LRRC7: variants seen among roughly 807,000 people sequenced by gnomAD.
LRRC7 encodes the protein leucine-rich repeat-containing protein 7.
Under a neutral mutation model 175.7 loss-of-function variants are expected in LRRC7, and 23 were observed. That is an observed-to-expected ratio of 0.13 (90% CI 0.09 to 0.19). The LOEUF (loss-of-function observed/expected upper bound fraction) is 0.19. Ranked by LOEUF, LRRC7 falls within the 10% of genes least tolerant of loss-of-function variation. The pLI, the probability that LRRC7 is intolerant of heterozygous loss-of-function variation, is 1.00. For synonymous variants in LRRC7, 685 were observed against 680.9 expected (o/e 1.01, Z -0.09); for missense variants, 1,354 against 1,904.7 (o/e 0.71, Z 5.38).
At chr1:69,580,616 A>T (rs1646158071) in intron 1 of LRRC7, among the ~76,000 whole-genome samples, 1 of 152,186 alleles carries the variant, frequency 6.6e-6, no homozygotes, top group Admixed American at 6.5e-5. Context: ...ATAAAAATCT[A>T]CCATATCTAC....
intron 4 of LRRC7, among the ~76,000 whole-genome samples, chr1:69,802,938 C>T (rs755389717): frequency 6.6e-6 from 1 of 151,206 alleles, no homozygotes; most frequent in African/African-American, 2.4e-5. Flanking sequence ...ATATTTAATT[C>T]ATTTGCAGTT....
chr1:69,927,079 C>G (rs1647100924), intron 7 of LRRC7, among the ~76,000 whole-genome samples: 1 of 152,140 alleles, frequency 6.6e-6, no homozygotes, highest in Non-Finnish European at 1.5e-5. Context: ...ATTAGTTTGG[C>G]TGGATATGAA....
At chr1:70,032,005 G>T (rs1658786536) in intron 18 of LRRC7, among the ~76,000 whole-genome samples, 1 of 152,074 alleles carries the variant, frequency 6.6e-6, no homozygotes, top group Admixed American at 6.5e-5. Flanking sequence ...CACCATGTTG[G>T]CCAGGATGGT....
At position 69,795,886 on chromosome 1, in the gene LRRC7, A is replaced by T. The variant is rs186399984; in HGVS notation, c.421+3726A>T. Among the ~76,000 whole-genome samples the T allele has an allele frequency of 2.6e-3, 396 of 151,696 alleles. 2 individuals are homozygous for T. The highest frequency in any genetic ancestry group is 4.9e-3 in the Non-Finnish European group (331 of 67,966). The stretch of plus-strand genomic sequence containing the variant: ...ATTGTGTACAGAAAGATATCTGCAC[A>T]ATTTGAGTAAACAGATTTTTTTTGG... On this transcript the variant is annotated intron_variant, in intron 4 of 26. Coordinates refer to ENST00000651989, the MANE Select transcript of LRRC7 (RefSeq NM_001370785.2).
At position 69,948,990 on chromosome 1, in the gene LRRC7, G is replaced by A. The variant is rs766773263; in HGVS notation, c.711+17420G>A. Among the ~76,000 whole-genome samples the A allele has an allele frequency of 9.2e-5, 14 of 152,182 alleles. 1 individual carries two copies. The highest frequency in any genetic ancestry group is 6.2e-4 in the South Asian group (3 of 4,816). On this transcript the variant is annotated intron_variant, in intron 8 of 26. Coordinates refer to ENST00000651989, the MANE Select transcript of LRRC7 (RefSeq NM_001370785.2). ...GTGAGATAACTCTAAGTACTAAGCC[G>A]TAACTGTCTAGAAATCTTTCAGTCT...
intron 26 of LRRC7, among the ~76,000 whole-genome samples, chr1:70,115,034 T>C (rs1006315880): frequency 6.6e-6 from 1 of 152,030 alleles, no homozygotes; most frequent in Non-Finnish European, 1.5e-5. Context: ...GTCAACAAAA[T>C]AACAAGCAGA....
At chr1:70,117,344 C>T (rs988923678) in intron 26 of LRRC7, among the ~76,000 whole-genome samples, 4 of 152,144 alleles carry the variant, frequency 2.6e-5, no homozygotes, top group Admixed American at 1.3e-4. Flanking sequence ...TATAATTTAT[C>T]CATTTAACAA....
In LRRC7 at chr1:70,124,360, A is replaced by G. The variant is rs760886386; in HGVS notation, c.*2473A>G. On this transcript the variant is annotated 3_prime_UTR_variant, in exon 27 of 27. Coordinates refer to ENST00000651989, the MANE Select transcript of LRRC7 (RefSeq NM_001370785.2). The stretch of plus-strand genomic sequence containing the variant: ...AACATGGTGAAACGCCATCTCTACT[A>G]AAAATACAAAAATTAGCTGAGCATG... Among the ~76,000 whole-genome samples the G allele has an allele frequency of 3.0e-4, 45 of 152,066 alleles. No individual in the cohort carries two copies. The highest frequency in any genetic ancestry group is 5.7e-4 in the Non-Finnish European group (39 of 67,998).
chr1:69,572,902 G>A (rs1247694112), intron 1 of LRRC7, among the ~76,000 whole-genome samples: 1 of 151,880 alleles, frequency 6.6e-6, no homozygotes, highest in Non-Finnish European at 1.5e-5. Context: ...TTTAGTGATA[G>A]CATAGTATAA....
intron 8 of LRRC7, among the ~76,000 whole-genome samples, chr1:69,935,910 T>C (rs1414559642): frequency 1.3e-5 from 2 of 152,168 alleles, no homozygotes; most frequent in African/African-American, 4.8e-5. Flanking sequence ...AAACGTGTTT[T>C]TCATATGTTT....
intron 1 of LRRC7, among the ~76,000 whole-genome samples, chr1:69,647,116 A>C (rs1655115003): frequency 6.6e-6 from 1 of 152,180 alleles, no homozygotes; most frequent in Non-Finnish European, 1.5e-5. Context: ...TTAATGCCAA[A>C]AAATATATAA....
chr1:69,722,782 G>A (rs1178018859), intron 2 of LRRC7, among the ~76,000 whole-genome samples: 3 of 151,722 alleles, frequency 2.0e-5, no homozygotes, highest in African/African-American at 7.3e-5. Flanking sequence ...GATATTCTTT[G>A]ACTTTTTTTA....
intron 1 of LRRC7, among the ~76,000 whole-genome samples, chr1:69,647,320 G>T (rs1655145078): frequency 6.6e-6 from 1 of 152,116 alleles, no homozygotes; most frequent in Non-Finnish European, 1.5e-5. Flanking sequence ...AAGATTCTGT[G>T]AAACAAAAGA....
At chr1:69,691,826 A>T (rs1661922119) in intron 2 of LRRC7, among the ~76,000 whole-genome samples, 1 of 148,284 alleles carries the variant, frequency 6.7e-6, no homozygotes, top group South Asian at 2.2e-4. Context: ...AAAAAAGAAA[A>T]GAAAAGAAGC....
At chr1:69,731,195 G>C (rs1166036405) in intron 2 of LRRC7, among the ~76,000 whole-genome samples, 1 of 151,968 alleles carries the variant, frequency 6.6e-6, no homozygotes, top group East Asian at 1.9e-4. Context: ...CCAGCTACTC[G>C]GGAGGCTGAG....
chr1:70,137,254 C>T lies in LRRC7; in HGVS notation c.*15367C>T, dbSNP rs1666909429. Among the ~76,000 whole-genome samples the T allele has an allele frequency of 2.0e-5, 3 of 152,190 alleles. No homozygotes were observed. The highest frequency in any genetic ancestry group is 4.2e-4 in the South Asian group (2 of 4,814). On this transcript the variant is annotated 3_prime_UTR_variant, in exon 27 of 27. Transcript: ENST00000651989. ...GACTCTGTCTTTCCAAGGAGTAACC[C>T]TTTTGGGTCAAAGTCAGAGGGGGCT...
intron 8 of LRRC7, among the ~76,000 whole-genome samples, chr1:69,972,948 AAATACTATATATAT>A (rs976369307): frequency 2.7e-5 from 4 of 146,558 alleles, no homozygotes; most frequent in Admixed American, 6.9e-5. Context: ...ATATATATAT[AAATACTATATATAT>A]AATACTATAT....
chr1:69,609,620 C>T (rs2100241194), intron 1 of LRRC7, among the ~76,000 whole-genome samples: 1 of 152,088 alleles, frequency 6.6e-6, no homozygotes, highest in East Asian at 1.9e-4. Context: ...TGTGATGGTG[C>T]TCAGCTGGTA....
intron 1 of LRRC7, among the ~76,000 whole-genome samples, chr1:69,643,175 GT>G (rs1396698666): frequency 6.6e-6 from 1 of 152,094 alleles, no homozygotes; most frequent in Non-Finnish European, 1.5e-5. Context: ...TCTGTCTTTT[GT>G]TCTTGGTTCT....
Sources: allele counts gnomAD v4.1 joint callset (sites outside exome capture counted in the v4.1 genomes callset), GRCh38; gene constraint gnomAD v4.1.1; transcripts MANE v1.5; gene names NCBI Gene and HGNC (gene_info 2026-07-23, HGNC 2026-07-21).